Variants in SLC24A3 observed in about 807,000 individuals in gnomAD.
SLC24A3 encodes the protein sodium/potassium/calcium exchanger 3.
In SLC24A3, 28 loss-of-function variants were observed where a neutral mutation model predicts 75.8. That is an observed-to-expected ratio of 0.37 (90% CI 0.27 to 0.51). The LOEUF (loss-of-function observed/expected upper bound fraction) is 0.51. SLC24A3 is among the 20% of genes least tolerant of loss of function. The pLI is 0.94. For missense variants in SLC24A3, 663 were observed against 847.8 expected, an observed-to-expected ratio of 0.78 and a Z score of 2.71; for synonymous variants, 372 against 334.1, an observed-to-expected ratio of 1.11 and a Z score of -1.24.
chr20:19,613,408 C>T (rs1296031601), intron 6 of SLC24A3, among the ~76,000 whole-genome samples: 1 of 152,132 alleles, frequency 6.6e-6, no homozygotes. Context: ...GATAAAGAGC[C>T]TACCATTTTA....
intron 6 of SLC24A3, among the ~76,000 whole-genome samples, chr20:19,608,558 G>A (rs747999658): frequency 1.4e-4 from 22 of 152,300 alleles, no homozygotes; most frequent in Admixed American, 7.2e-4. Flanking sequence ...TTGCAGATTA[G>A]CAATACTTGC....
At chr20:19,242,878 AAG>A (rs1982370351) in intron 1 of SLC24A3, among the ~76,000 whole-genome samples, 1 of 152,238 alleles carries the variant, frequency 6.6e-6, no homozygotes, top group African/African-American at 2.4e-5. Flanking sequence ...AGAGTTGTAA[AAG>A]AGCTCAAATG....
intron 3 of SLC24A3, among the ~76,000 whole-genome samples, chr20:19,549,769 G>A (rs984605398): frequency 1.3e-5 from 2 of 152,150 alleles, no homozygotes. Flanking sequence ...GGGCAACAGT[G>A]CAAGACTTTG....
intron 15 of SLC24A3, among the ~76,000 whole-genome samples, chr20:19,711,326 T>C (rs2032989021): frequency 7.0e-6 from 1 of 142,704 alleles, no homozygotes; most frequent in African/African-American, 2.7e-5. Flanking sequence ...CGCACACACA[T>C]GCATGCACAC....
At chr20:19,262,132 G>A (rs1015470180) in intron 1 of SLC24A3, among the ~76,000 whole-genome samples, 14 of 152,076 alleles carry the variant, frequency 9.2e-5, no homozygotes, top group Admixed American at 3.3e-4. Flanking sequence ...GGCCGGGCGC[G>A]GTGGCTCACG....
chr20:19,459,931 G>A (rs991253420), intron 2 of SLC24A3, among the ~76,000 whole-genome samples: 7 of 152,176 alleles, frequency 4.6e-5, no homozygotes, highest in African/African-American at 1.7e-4. Context: ...TGGAGGTCTT[G>A]TCACTTTGCA....
At chr20:19,305,780 A>G (rs889354290) in intron 2 of SLC24A3, among the ~76,000 whole-genome samples, 31 of 152,210 alleles carry the variant, frequency 2.0e-4, no homozygotes, top group African/African-American at 7.5e-4. Context: ...AAAATCCTAG[A>G]AGAAAACCTA....
At chr20:19,479,963 T>C (rs1988026661) in intron 2 of SLC24A3, among the ~76,000 whole-genome samples, 1 of 152,230 alleles carries the variant, frequency 6.6e-6, no homozygotes, top group Admixed American at 6.5e-5. Flanking sequence ...AACAAGCTGC[T>C]GAAACTCAGT....
intron 6 of SLC24A3, among the ~76,000 whole-genome samples, chr20:19,634,048 C>A (rs1750918288): frequency 6.6e-6 from 1 of 152,150 alleles, no homozygotes; most frequent in Admixed American, 6.5e-5. Context: ...TTGTGCCTTC[C>A]ATTTCTTTTC....
At chr20:19,216,891 T>C (rs1467583418) in intron 1 of SLC24A3, among the ~76,000 whole-genome samples, 1 of 152,204 alleles carries the variant, frequency 6.6e-6, no homozygotes, top group Non-Finnish European at 1.5e-5. Flanking sequence ...ATCTGGTACC[T>C]CAGCTGGAAA....
At position 19,236,090 on chromosome 20, in the gene SLC24A3, C is replaced by T. The variant is rs1297959344; in HGVS notation, c.142+23106C>T. Among the ~76,000 whole-genome samples, 4 of 152,196 alleles carry T rather than the reference C, an allele frequency of 2.6e-5. No homozygotes were observed. The East Asian group carries it at 7.7e-4, about 29-fold the overall frequency. ...GAACTTTTCTGTTTTTGAATTTATT[C>T]ATAATTTAATTTGATATAATTCAAC... On this transcript the variant is annotated intron_variant, in intron 1 of 16. Transcript: ENST00000328041.
chr20:19,622,146 C>T lies in SLC24A3; in HGVS notation c.613-31916C>T, dbSNP rs116843951. 1.8e-3 allele frequency among the ~76,000 whole-genome samples: 267 copies of T among 152,226 alleles called. 2 individuals carry two copies. Among genetic ancestry groups the T allele is most frequent in the Admixed American group, 6.4e-3 (98 of 15,288 alleles). On this transcript the variant is annotated intron_variant, in intron 6 of 16. Coordinates refer to ENST00000328041, the MANE Select transcript of SLC24A3 (RefSeq NM_020689.4). Reference sequence around the variant, plus strand: ...GCATGATTGCACTAAACCAGTGCCACGAACCTTCAGGAACTTGAAAGGAGA... The same window carrying T: ...GCATGATTGCACTAAACCAGTGCCATGAACCTTCAGGAACTTGAAAGGAGA...
At chr20:19,515,604 G>C (rs758318770) in intron 3 of SLC24A3, 40 bp downstream of exon 3, 1 of 1,606,518 alleles carries the variant, frequency 6.2e-7, no homozygotes, top group Non-Finnish European at 8.5e-7. Context: ...GGGTCCATAG[G>C]CTAGGCCTAG....
intron 6 of SLC24A3, among the ~76,000 whole-genome samples, chr20:19,640,839 G>T (rs2032068306): frequency 1.3e-5 from 2 of 152,164 alleles, no homozygotes; most frequent in South Asian, 4.1e-4. Flanking sequence ...GAAATAGGAA[G>T]AAATTGATAA....
intron 1 of SLC24A3, among the ~76,000 whole-genome samples, chr20:19,228,675 A>C (rs763991869): frequency 3.3e-5 from 5 of 152,106 alleles, no homozygotes; most frequent in African/African-American, 4.8e-5. Flanking sequence ...TGGATGTTGA[A>C]TGTGATCAAA....
At chr20:19,693,480 GGGAA>G (rs2032770789) in intron 13 of SLC24A3, 55 bp downstream of exon 13, 71 of 1,585,430 alleles carry the variant, frequency 4.5e-5, no homozygotes, top group Non-Finnish European at 5.5e-5. Context: ...GAATAAAGAA[GGGAA>G]TAAGAGTCAG....
rs1269540157 is a variant in SLC24A3, at chr20:19,579,995, T to C, written c.349-5T>C. Reference sequence around the variant, plus strand: ...CTTTAACCCCTTTTATCTCCTCTCTTCCAGGCCATATACATGTTCTATGCG... The same window carrying C: ...CTTTAACCCCTTTTATCTCCTCTCTCCCAGGCCATATACATGTTCTATGCG... On this transcript the variant is annotated splice_region_variant and splice_polypyrimidine_tract_variant and intron_variant, in intron 3 of 16. Coordinates refer to ENST00000328041, the MANE Select transcript of SLC24A3 (RefSeq NM_020689.4). 3 of 1,611,418 alleles carry C rather than the reference T, an allele frequency of 1.9e-6. No individual in the cohort carries two copies. In the African/African-American group the frequency reaches 4.0e-5, roughly 22 times the overall value.
chr20:19,323,803 A>G (rs181164918), intron 2 of SLC24A3, among the ~76,000 whole-genome samples: 3 of 152,366 alleles, frequency 2.0e-5, no homozygotes, highest in Admixed American at 1.3e-4. Flanking sequence ...ATGGCAGAAG[A>G]ATAAGCTTTA....
At chr20:19,352,269 G>A (rs1568597379) in intron 2 of SLC24A3, among the ~76,000 whole-genome samples, 2 of 152,160 alleles carry the variant, frequency 1.3e-5, no homozygotes, top group African/African-American at 4.8e-5. Context: ...CTTCGATGAG[G>A]CCCTATCCAG....
Sources: allele counts gnomAD v4.1 joint callset (sites outside exome capture counted in the v4.1 genomes callset), GRCh38; gene constraint gnomAD v4.1.1; transcripts MANE v1.5; gene names NCBI Gene and HGNC (gene_info 2026-07-23, HGNC 2026-07-21).